MCTP1: variants seen among roughly 807,000 people sequenced by gnomAD.
MCTP1 encodes multiple C2 and transmembrane domain containing 1.
A neutral mutation model predicts 120.6 loss-of-function variants in MCTP1; 69 were observed. That is an observed-to-expected ratio of 0.57 (90% CI 0.47 to 0.70). The LOEUF is 0.70. Ranked by LOEUF, MCTP1 falls within the 30% of genes least tolerant of loss-of-function variation. The pLI is 0.00. For synonymous variants in MCTP1, 529 were observed against 493.1 expected (o/e 1.07, Z -0.96); for missense variants, 1,203 against 1,248.8 (o/e 0.96, Z 0.55).
chr5:94,890,313 A>G (rs1018887854), intron 11 of MCTP1, among the ~76,000 whole-genome samples: 1 of 152,198 alleles, frequency 6.6e-6, no homozygotes, highest in Non-Finnish European at 1.5e-5. Flanking sequence ...CCTAATTATC[A>G]ATATTAAATC....
intron 3 of MCTP1, among the ~76,000 whole-genome samples, chr5:94,950,720 G>A (rs905924823): frequency 6.6e-5 from 10 of 151,954 alleles, no homozygotes; most frequent in South Asian, 2.1e-4. Flanking sequence ...TTGGGAGGCC[G>A]AGGAGGGCAG....
At chr5:94,965,558 G>C (rs1017309230) in intron 2 of MCTP1, among the ~76,000 whole-genome samples, 5 of 151,958 alleles carry the variant, frequency 3.3e-5, no homozygotes, top group African/African-American at 1.2e-4. Flanking sequence ...CTGGACAAGG[G>C]GTGTAATCTC....
At chr5:94,937,317 T>C (rs940849542) in intron 5 of MCTP1, among the ~76,000 whole-genome samples, 12 of 152,046 alleles carry the variant, frequency 7.9e-5, no homozygotes, top group African/African-American at 2.7e-4. Flanking sequence ...GAAGGATTTC[T>C]TCCAAAAAAT....
chr5:94,927,559 TA>T (rs879535974), intron 6 of MCTP1, among the ~76,000 whole-genome samples: 3 of 152,168 alleles, frequency 2.0e-5, no homozygotes, highest in South Asian at 2.1e-4. Context: ...TTTGCCGCTT[TA>T]AAAAAAATTG....
chr5:94,718,241 G>T (rs561929805), intron 19 of MCTP1, among the ~76,000 whole-genome samples: 4 of 152,190 alleles, frequency 2.6e-5, no homozygotes, highest in East Asian at 1.9e-4. Flanking sequence ...TGACAAACTT[G>T]ACAAAAACAA....
chr5:94,716,978 T>C (rs1474210422), intron 19 of MCTP1, among the ~76,000 whole-genome samples: 1 of 152,138 alleles, frequency 6.6e-6, no homozygotes, highest in Non-Finnish European at 1.5e-5. Flanking sequence ...TGGTATATGA[T>C]AAGGTGCCAT....
intron 1 of MCTP1, among the ~76,000 whole-genome samples, chr5:95,023,346 TC>T (rs1310634685): frequency 2.0e-5 from 3 of 152,190 alleles, no homozygotes; most frequent in African/African-American, 7.2e-5. Context: ...TTACAACTGT[TC>T]AGTTTAAGTC....
chr5:94,793,871 C>T (rs901176083), intron 18 of MCTP1, among the ~76,000 whole-genome samples: 38 of 152,338 alleles, frequency 2.5e-4, no homozygotes, highest in African/African-American at 8.7e-4. Context: ...CAATCAACAG[C>T]ACTTATGGCA....
At chr5:94,956,144 C>A (rs545241248) in intron 2 of MCTP1, among the ~76,000 whole-genome samples, 3 of 152,164 alleles carry the variant, frequency 2.0e-5, no homozygotes, top group African/African-American at 4.8e-5. Flanking sequence ...TTGACCCCAG[C>A]AAATTCCAGT....
chr5:94,758,141 A>C (rs1770395261), intron 19 of MCTP1, among the ~76,000 whole-genome samples: 1 of 152,264 alleles, frequency 6.6e-6, no homozygotes. Flanking sequence ...CTCTTTTCTA[A>C]AAATGTGTCA....
chr5:94,752,690 C>T (rs1561575784), intron 19 of MCTP1, among the ~76,000 whole-genome samples: 1 of 152,044 alleles, frequency 6.6e-6, no homozygotes, highest in African/African-American at 2.4e-5. Flanking sequence ...CCTTCATAGA[C>T]ATAAAAAGCA....
chr5:95,145,466 T>C (rs749407005), intron 1 of MCTP1, among the ~76,000 whole-genome samples: 24 of 152,220 alleles, frequency 1.6e-4, no homozygotes, highest in Non-Finnish European at 3.1e-4. Context: ...ATCCTTATCT[T>C]GTTCTAGTTC....
chr5:95,001,931 T>A (rs1833807644), intron 2 of MCTP1, among the ~76,000 whole-genome samples: 1 of 152,096 alleles, frequency 6.6e-6, no homozygotes, highest in Non-Finnish European at 1.5e-5. Context: ...CTCAGAGGCC[T>A]AGGAGGCAAA....
chr5:94,947,216 G>T (rs1317767691), intron 3 of MCTP1, among the ~76,000 whole-genome samples: 1 of 151,956 alleles, frequency 6.6e-6, no homozygotes, highest in Non-Finnish European at 1.5e-5. Flanking sequence ...CAAGCAATAT[G>T]GTTAATATCC....
chr5:95,062,440 G>C (rs935775823), intron 1 of MCTP1, among the ~76,000 whole-genome samples: 8 of 152,142 alleles, frequency 5.3e-5, no homozygotes, highest in Non-Finnish European at 1.2e-4. Context: ...CAAGCAGCAT[G>C]AAGTCCAGTT....
At chr5:95,147,801 C>A (rs770801729) in intron 1 of MCTP1, among the ~76,000 whole-genome samples, 1 of 152,130 alleles carries the variant, frequency 6.6e-6, no homozygotes, top group Non-Finnish European at 1.5e-5. Context: ...TGTCTATGAT[C>A]TATGTGCTTA....
intron 1 of MCTP1, among the ~76,000 whole-genome samples, chr5:95,082,786 C>T (rs1341186953): frequency 6.6e-6 from 1 of 152,052 alleles, no homozygotes; most frequent in Non-Finnish European, 1.5e-5. Flanking sequence ...TGCAAGTGTT[C>T]AATAGCCACA....
At chr5:94,874,523 T>C (rs1422450222) in intron 12 of MCTP1, among the ~76,000 whole-genome samples, 1 of 152,156 alleles carries the variant, frequency 6.6e-6, no homozygotes, top group African/African-American at 2.4e-5. Context: ...AACTGCATAA[T>C]TTAACATCAT....
chr5:94,949,163 A>G (rs1819854021), intron 3 of MCTP1, among the ~76,000 whole-genome samples: 1 of 152,180 alleles, frequency 6.6e-6, no homozygotes, highest in Non-Finnish European at 1.5e-5. Flanking sequence ...TTATATAAAT[A>G]TATTCCCCTT....
Sources: gnomAD v4.1 joint callset for allele counts (sites outside exome capture counted in the v4.1 genomes callset) on GRCh38, gnomAD v4.1.1 for gene constraint, MANE v1.5 for transcripts, NCBI Gene and HGNC (gene_info 2026-07-23, HGNC 2026-07-21) for gene names.